PEX1: variants seen among roughly 807,000 people sequenced by gnomAD.
PEX1 encodes the protein peroxisomal biogenesis factor 1.
A neutral mutation model predicts 152.5 loss-of-function variants in PEX1; 97 were observed. The observed-to-expected ratio is 0.64, with a 90% CI of 0.54 to 0.75. The LOEUF is 0.75. Ranked by LOEUF, PEX1 falls within the 30% of genes least tolerant of loss-of-function variation. The pLI, the probability that PEX1 is intolerant of heterozygous loss-of-function variation, is 0.00. For synonymous variants in PEX1, 485 were observed against 531.6 expected (o/e 0.91, Z 1.21); for missense variants, 1,357 against 1,516.3 (o/e 0.89, Z 1.74).
intron 15 of PEX1, among the ~76,000 whole-genome samples, chr7:92,501,227 G>A (rs1791907662): frequency 6.6e-6 from 1 of 152,214 alleles, no homozygotes; most frequent in Non-Finnish European, 1.5e-5. Flanking sequence ...GGGAGGCTGA[G>A]GCAGGAGGAT....
Position 92,513,774 on chromosome 7 carries a change from A to G in PEX1, c.1359+74T>C, listed in dbSNP as rs952780401. On this transcript the variant is annotated intron_variant, in intron 6 of 23. Coordinates refer to ENST00000248633, the MANE Select transcript of PEX1 (RefSeq NM_000466.3). ...CAAAAAGGAATACAACATTCTTATT[A>G]CTTAGCTAAAGCAACTAGAAATCTT... The G allele has an allele frequency of 1.2e-5, 13 of 1,076,070 alleles. No homozygotes were observed. In the African/African-American group the frequency reaches 2.0e-4, roughly 17 times the overall value. 66.7% of individuals were successfully genotyped at this position (1,076,070 alleles called of 1,614,324 possible). A position where few individuals can be genotyped will look rare whatever the true frequency, so the allele number is the denominator to read the frequency against.
At chr7:92,496,166 T>C (rs748796753) in intron 17 of PEX1, among the ~76,000 whole-genome samples, 19 of 152,162 alleles carry the variant, frequency 1.2e-4, no homozygotes, top group South Asian at 1.0e-3. Flanking sequence ...CTGTATACTT[T>C]ATAATAAAAT....
Position 92,501,947 on chromosome 7 carries a change from G to C in PEX1, c.2359C>G (p.Leu787Val). The C allele has an allele frequency of 2.5e-6, 4 of 1,613,978 alleles. No individual in the cohort carries two copies. The highest frequency in any genetic ancestry group is 3.4e-6 in the Non-Finnish European group (4 of 1,179,872). The change falls in exon 14 of 24, where the codon CTT becomes GTT. Residue 787 changes from leucine (L) to valine (V), a missense_variant. Leu to Val is a conservative substitution (Grantham distance 32). Transcript: ENST00000248633. ...CGAGAATGTATGGCTCGATCCACAAGTACTGTAAAATCTCTAGCCACAAAC... is the reference window on the plus strand; with the variant it reads ...CGAGAATGTATGGCTCGATCCACAACTACTGTAAAATCTCTAGCCACAAAC... ...GGFVARDFTVLVDRAIHSRLS... is the reference protein window; with the variant it reads ...GGFVARDFTVVVDRAIHSRLS...
chr7:92,506,441 T>C (rs527273251), intron 10 of PEX1, 97 bp from the exon 11 acceptor site: 98 of 800,300 alleles, frequency 1.2e-4, no homozygotes, highest in South Asian at 1.2e-3. Context: ...CTCAATTTTA[T>C]ACAACCTCTT....
chr7:92,517,627 A>G lies in PEX1; in HGVS notation c.888T>C (p.Ser296=). The change falls in exon 5 of 24, where the codon AGT becomes AGC. Residue 296 remains serine (S), a synonymous_variant. Transcript: ENST00000248633. ...CAGAGGTTGCTGACGCGTTATATATACTAGGAGGTTGAGATTTGCATACTC... is the reference window on the plus strand; with the variant it reads ...CAGAGGTTGCTGACGCGTTATATATGCTAGGAGGTTGAGATTTGCATACTC... ...IFRVCKSQPP[S]IYNASATSVF... 1.2e-6 allele frequency: 2 copies of G among 1,614,048 alleles called. No individual in the cohort carries two copies. The highest frequency in any genetic ancestry group is 1.7e-6 in the Non-Finnish European group (2 of 1,179,980).
chr7:92,513,008 C>G (rs1157727256), intron 6 of PEX1, among the ~76,000 whole-genome samples: 2 of 152,134 alleles, frequency 1.3e-5, no homozygotes, highest in African/African-American at 4.8e-5. Context: ...AAAAGTAAAA[C>G]AGTCTAGCAC....
intron 11 of PEX1, among the ~76,000 whole-genome samples, chr7:92,505,412 CAA>C (rs11370289): frequency 5.2e-5 from 7 of 133,794 alleles, no homozygotes; most frequent in Admixed American, 1.5e-4. Context: ...GACTCTGTCT[CAA>C]AAAAAAAAAA....
At chr7:92,518,889 C>A in intron 3 of PEX1, 106 bp downstream of exon 3, 1 of 901,734 alleles carries the variant, frequency 1.1e-6, no homozygotes, top group Non-Finnish European at 1.8e-6. Context: ...TCTTATAATT[C>A]AAAACCAACT....
chr7:92,501,850 AAAG>A, intron 14 of PEX1, 37 bp downstream of exon 14: 1 of 1,541,794 alleles, frequency 6.5e-7, no homozygotes, highest in Non-Finnish European at 9.0e-7. Flanking sequence ...TCCACAATAG[AAAG>A]AAGATTCCAA....
chr7:92,517,946 GA>G lies in PEX1; in HGVS notation c.568del (p.Ser190GlnfsTer20). 1 of 1,597,912 alleles carries G rather than the reference GA, an allele frequency of 6.3e-7. No individual in the cohort carries two copies. Among genetic ancestry groups the G allele is most frequent in the Non-Finnish European group, 8.5e-7 (1 of 1,174,082 alleles). The part of the protein sequence containing the change: ...KTRRAKENTF[S>X]KADAEYKKLH... ...TTTTTTATATTCAGCATCAGCTTTTGAAAATGTATTCTCTTTGGCTCGGCGT... is the reference window on the plus strand; with the variant it reads ...TTTTTTATATTCAGCATCAGCTTTTGAAATGTATTCTCTTTGGCTCGGCGT... On this transcript the variant is annotated frameshift_variant, in exon 5 of 24. Coordinates refer to ENST00000248633, the MANE Select transcript of PEX1 (RefSeq NM_000466.3). LOFTEE classifies it high-confidence loss of function.
rs1792013985 is a variant in PEX1 at position 92,503,105 on chromosome 7, A to T, written c.2162T>A (p.Leu721Ter). The T allele has an allele frequency of 6.2e-7, 1 of 1,613,762 alleles. No homozygotes were observed. Among genetic ancestry groups the T allele is most frequent in the South Asian group, 1.1e-5 (1 of 91,070 alleles). ...GTGAACTCCTTGAGCAGAAACAAGT[A>T]AAGGATGTAGAGATTGCTGAGACTG... is the stretch of plus-strand genomic sequence containing the variant. The part of the protein sequence containing the change: ...TSQSQQSLHP[L>*]LVSAQGVHIF... Residue 721 changes from leucine (L) to a stop codon, truncating the protein, a stop_gained, in exon 13 of 24, where the codon TTA (leucine) becomes TAA (stop). Transcript: ENST00000248633. LOFTEE classifies it high-confidence loss of function.
rs201646121 is a variant in PEX1 at position 92,509,310 on chromosome 7, T to C, written c.1670+19A>G. The C allele has an allele frequency of 2.1e-5, 33 of 1,544,434 alleles. No individual in the cohort carries two copies. The East Asian group carries it at 6.8e-4, about 32-fold the overall frequency. On this transcript the variant is annotated intron_variant, in intron 9 of 23. Coordinates refer to ENST00000248633, the MANE Select transcript of PEX1 (RefSeq NM_000466.3). ...GTTAAAAACATGTCTAACATGCTAG[T>C]TTGGCCATAACTTCTTACCCCAAAG...
In PEX1 at chr7:92,489,358, T is replaced by G; in HGVS notation, c.3702A>C (p.Leu1234Phe). 1 of 1,611,464 alleles carries G rather than the reference T, an allele frequency of 6.2e-7. No individual in the cohort carries two copies. The part of the protein sequence containing the change: ...KTRLAISQSH[L>F]MTALGHTRPS... ...GTCTTGTGTGACCAAGTGCAGTCATTAAATGTGACTGACTAATAGCCAGTC... is the reference window on the plus strand; with the variant it reads ...GTCTTGTGTGACCAAGTGCAGTCATGAAATGTGACTGACTAATAGCCAGTC... Residue 1234 changes from leucine (L) to phenylalanine (F), a missense_variant, in exon 23 of 24, where the codon TTA becomes TTC. Physicochemically the swap from Leu to Phe is conservative, Grantham distance 22 (BLOSUM62 0). Coordinates refer to ENST00000248633, the MANE Select transcript of PEX1 (RefSeq NM_000466.3).
chr7:92,511,139 G>A, intron 7 of PEX1, 92 bp from the exon 8 acceptor site: 1 of 745,588 alleles, frequency 1.3e-6, no homozygotes, highest in South Asian at 1.6e-5. Flanking sequence ...TTAAGTTAAA[G>A]ACTTTTTTTT....
intron 5 of PEX1, among the ~76,000 whole-genome samples, chr7:92,514,395 T>A (rs1245431539): frequency 6.6e-6 from 1 of 152,222 alleles, no homozygotes; most frequent in Non-Finnish European, 1.5e-5. Flanking sequence ...TCTCCCTACA[T>A]TTCTTTCCTT....
At chr7:92,501,828 C>T in intron 14 of PEX1, 62 bp downstream of exon 14, 1 of 1,468,958 alleles carries the variant, frequency 6.8e-7, no homozygotes. Flanking sequence ...TGTCTTACTA[C>T]AATTACATTT....
In PEX1 at chr7:92,491,331, G is replaced by A. The variant is rs769066970; in HGVS notation, c.3379C>T (p.Arg1127Trp). Residue 1127 changes from arginine to tryptophan, a missense_variant, in exon 21 of 24, where the codon CGG becomes TGG. By Grantham distance (101) the Arg-to-Trp change is moderately radical (BLOSUM62 -3). Coordinates refer to ENST00000248633, the MANE Select transcript of PEX1 (RefSeq NM_000466.3). Reference protein sequence around the residue: ...LPDESKFNMYRLYFGSSYESE... With the variant: ...LPDESKFNMYWLYFGSSYESE... The stretch of plus-strand genomic sequence containing the variant: ...TCATAAGAGCTTCCAAAGTAGAGCC[G>A]GTACATATTGAATTTTGATTCATCT... The A allele has an allele frequency of 3.0e-5, 49 of 1,613,702 alleles. No homozygotes were observed. Among genetic ancestry groups the A allele is most frequent in the Non-Finnish European group, 2.7e-5 (32 of 1,179,848 alleles).
chr7:92,493,071 A>G lies in PEX1; in HGVS notation c.3089T>C (p.Val1030Ala). The G allele has an allele frequency of 6.2e-7, 1 of 1,612,822 alleles. No homozygotes were observed. The highest frequency in any genetic ancestry group is 8.5e-7 in the Non-Finnish European group (1 of 1,178,796). The part of the protein sequence containing the change: ...LSDSLPLADD[V>A]DLQHVASVTD... ...TACTGATGCTACATGCTGAAGGTCA[A>G]CATCATCTGCCAGAGGTAGAGAGTC... Residue 1030 changes from valine to alanine, a missense_variant, in exon 20 of 24, where the codon GTT becomes GCT. Coordinates refer to ENST00000248633, the MANE Select transcript of PEX1 (RefSeq NM_000466.3).
intron 16 of PEX1, 32 bp downstream of exon 16, chr7:92,499,672 A>C (rs756116113): frequency 3.6e-5 from 57 of 1,573,710 alleles, no homozygotes; most frequent in Middle Eastern, 1.7e-4. Context: ...AATTTTACCT[A>C]AATAAAAAAA....
Sources: gnomAD v4.1 joint callset for allele counts (sites outside exome capture counted in the v4.1 genomes callset) on GRCh38, gnomAD v4.1.1 for gene constraint, MANE v1.5 for transcripts, NCBI Gene and HGNC (gene_info 2026-07-23, HGNC 2026-07-21) for gene names.